Variants in NELL2 observed in about 807,000 individuals in gnomAD.
NELL2 encodes neural EGFL like 2, also known as protein kinase C-binding protein NELL2.
In NELL2, 41 loss-of-function variants were observed where a neutral mutation model predicts 109.6. The ratio of observed to expected loss-of-function variants is 0.37; its 90% CI spans 0.29 to 0.49. The LOEUF (loss-of-function observed/expected upper bound fraction) is 0.49. NELL2 is among the 20% of genes least tolerant of loss of function. The pLI is 0.98. For missense variants in NELL2, 900 were observed against 1,008.3 expected, an observed-to-expected ratio of 0.89 and a Z score of 1.45; for synonymous variants, 355 against 344.7, an observed-to-expected ratio of 1.03 and a Z score of -0.33.
chr12:44,863,108 C>A (rs554389984), intron 2 of NELL2, among the ~76,000 whole-genome samples: 1 of 151,994 alleles, frequency 6.6e-6, no homozygotes, highest in African/African-American at 2.4e-5. Context: ...CCCCACCCCA[C>A]GACAGGCCCC....
At chr12:44,546,353 C>T (rs753901024) in intron 15 of NELL2, among the ~76,000 whole-genome samples, 7 of 152,118 alleles carry the variant, frequency 4.6e-5, no homozygotes, top group African/African-American at 7.2e-5. Flanking sequence ...TGTCATATGC[C>T]TGACAGACTG....
intron 1 of NELL2, among the ~76,000 whole-genome samples, chr12:44,900,147 C>G (rs945785575): frequency 9.9e-5 from 15 of 152,014 alleles, no homozygotes; most frequent in African/African-American, 3.6e-4. Context: ...ACTTAGACTC[C>G]CACACAATAA....
intron 1 of NELL2, among the ~76,000 whole-genome samples, chr12:44,891,630 C>G (rs571442639): frequency 4.2e-4 from 47 of 110,864 alleles, no homozygotes; most frequent in Admixed American, 1.0e-3. Context: ...GATTTTTTTT[C>G]CTCCTGTGGG....
chr12:44,741,762 G>A (rs891924914), intron 9 of NELL2, among the ~76,000 whole-genome samples: 7 of 152,266 alleles, frequency 4.6e-5, no homozygotes, highest in Admixed American at 1.3e-4. Context: ...GGGGAGGGGC[G>A]CCCACCATTG....
intron 12 of NELL2, among the ~76,000 whole-genome samples, chr12:44,687,330 G>T (rs928566972): frequency 1.3e-5 from 2 of 152,156 alleles, no homozygotes; most frequent in African/African-American, 2.4e-5. Context: ...AGATGAACCC[G>T]GTACCTCAGG....
intron 9 of NELL2, among the ~76,000 whole-genome samples, chr12:44,719,674 T>A (rs1328192737): frequency 6.6e-6 from 1 of 152,136 alleles, no homozygotes; most frequent in East Asian, 1.9e-4. Context: ...ATATCAGTGA[T>A]CTTTGGATTG....
intron 12 of NELL2, among the ~76,000 whole-genome samples, chr12:44,673,600 G>C (rs1948214518): frequency 6.6e-6 from 1 of 152,126 alleles, no homozygotes; most frequent in Non-Finnish European, 1.5e-5. Context: ...ATTAAACAAA[G>C]AGTGCCCCAC....
intron 3 of NELL2, among the ~76,000 whole-genome samples, chr12:44,812,079 G>C (rs1467696761): frequency 6.6e-6 from 1 of 152,094 alleles, no homozygotes; most frequent in Admixed American, 6.6e-5. Context: ...TGAAGCGCTG[G>C]ACCTACACCT....
chr12:44,797,206 A>G (rs1044418832), intron 3 of NELL2, among the ~76,000 whole-genome samples: 8 of 152,116 alleles, frequency 5.3e-5, no homozygotes, highest in Non-Finnish European at 8.8e-5. Flanking sequence ...ATCTCAACTC[A>G]GTTGTGACTG....
chr12:44,765,964 A>G (rs1941315182), intron 9 of NELL2, among the ~76,000 whole-genome samples: 1 of 152,178 alleles, frequency 6.6e-6, no homozygotes, highest in African/African-American at 2.4e-5. Context: ...TACTAAAAGT[A>G]CATAAATTAG....
chr12:44,662,556 A>G (rs1947782693), intron 13 of NELL2, among the ~76,000 whole-genome samples: 2 of 152,196 alleles, frequency 1.3e-5, no homozygotes, highest in African/African-American at 4.8e-5. Flanking sequence ...TCTTCCATCT[A>G]CAAAATTTTA....
intron 9 of NELL2, among the ~76,000 whole-genome samples, chr12:44,742,422 C>G (rs139346172): frequency 0.026 from 4,023 of 152,270 alleles, 177 homozygotes; most frequent in African/African-American, 0.091. Context: ...CAAAGGAACG[C>G]AGCTCCTCAC....
At position 44,833,058 on chromosome 12, in the gene NELL2, T is replaced by C. The variant is rs80177023; in HGVS notation, c.185-16922A>G. 2.6e-4 allele frequency among the ~76,000 whole-genome samples: 40 copies of C among 152,306 alleles called. No homozygotes were observed. The East Asian group carries it at 7.5e-3, about 29-fold the overall frequency. ...AGCTAAATGTAAGCTTCACACTTAC[T>C]TTTTCCCAATTCCACCACCAGTTTT... On this transcript the variant is annotated intron_variant, in intron 2 of 19. Coordinates refer to ENST00000429094, the MANE Select transcript of NELL2 (RefSeq NM_001145108.2).
At chr12:44,773,372 A>AGGCT (rs1941625031) in intron 9 of NELL2, among the ~76,000 whole-genome samples, 1 of 152,094 alleles carries the variant, frequency 6.6e-6, no homozygotes, top group Admixed American at 6.6e-5. Context: ...ACTACTCAGG[A>AGGCT]GGCTGCGGCA....
intron 2 of NELL2, among the ~76,000 whole-genome samples, chr12:44,829,521 G>T (rs1375555261): frequency 6.6e-6 from 1 of 152,098 alleles, no homozygotes; most frequent in East Asian, 1.9e-4. Context: ...ATAATTTATA[G>T]AATATGTATC....
intron 1 of NELL2, 60 bp from the exon 2 acceptor site, chr12:44,875,413 T>G: frequency 6.2e-7 from 1 of 1,613,940 alleles, no homozygotes. Flanking sequence ...AATGCAAGTC[T>G]CTTCCTCCAG....
At position 44,521,584 on chromosome 12, in the gene NELL2, T is replaced by A. The variant is rs551247811; in HGVS notation, c.2175+416A>T. Among the ~76,000 whole-genome samples the A allele has an allele frequency of 2.6e-5, 4 of 151,924 alleles. No individual in the cohort carries two copies. The South Asian group carries it at 8.3e-4, about 32-fold the overall frequency. ...GGGGAGGCGGAGTTGCTTTGTTTTT[T>A]AAGTCTAAACATAACTGACAGAAAT... is the stretch of plus-strand genomic sequence containing the variant. On this transcript the variant is annotated intron_variant, in intron 18 of 19. Coordinates refer to ENST00000429094, the MANE Select transcript of NELL2 (RefSeq NM_001145108.2).
intron 3 of NELL2, among the ~76,000 whole-genome samples, chr12:44,809,688 C>G (rs965373104): frequency 1.3e-5 from 2 of 151,994 alleles, no homozygotes; most frequent in African/African-American, 4.8e-5. Flanking sequence ...TGATGGAGTT[C>G]CCGGGAGTTT....
chr12:44,814,134 G>C (rs570153358), intron 3 of NELL2, among the ~76,000 whole-genome samples: 1 of 152,170 alleles, frequency 6.6e-6, no homozygotes, highest in East Asian at 1.9e-4. Flanking sequence ...AATGCTGCCT[G>C]ACAAGCCTCA....
Sources: gnomAD v4.1 joint callset for allele counts (sites outside exome capture counted in the v4.1 genomes callset) on GRCh38, gnomAD v4.1.1 for gene constraint, MANE v1.5 for transcripts, NCBI Gene and HGNC (gene_info 2026-07-23, HGNC 2026-07-21) for gene names.